ABL1: variants seen among roughly 807,000 people sequenced by gnomAD.
ABL1 encodes ABL proto-oncogene 1, non-receptor tyrosine kinase.
A neutral mutation model predicts 94.7 loss-of-function variants in ABL1; 11 were observed. The observed-to-expected ratio is 0.12, with a 90% confidence interval of 0.07 to 0.19. The LOEUF is 0.19. Ranked by LOEUF, ABL1 falls within the 10% of genes least tolerant of loss-of-function variation. ABL1 has a pLI of 1.00. For synonymous variants in ABL1, 656 were observed against 622.4 expected (o/e 1.05, Z -0.80); for missense variants, 1,082 against 1,489.4 (o/e 0.73, Z 4.50).
intron 4 of ABL1, among the ~76,000 whole-genome samples, chr9:130,869,856 ACT>A (rs1831224069): frequency 6.6e-6 from 1 of 152,072 alleles, no homozygotes; most frequent in Admixed American, 6.6e-5. Flanking sequence ...ATGAAGTCTC[ACT>A]CTGTCGCCCA....
At chr9:130,776,570 C>G (rs1294580906) in intron 1 of ABL1, among the ~76,000 whole-genome samples, 1 of 121,072 alleles carries the variant, frequency 8.3e-6, no homozygotes, top group African/African-American at 3.4e-5. Flanking sequence ...AAGTGAGACT[C>G]TATCTCAAAA....
chr9:130,757,066 C>T (rs1832049919), intron 1 of ABL1, among the ~76,000 whole-genome samples: 1 of 152,164 alleles, frequency 6.6e-6, no homozygotes. Flanking sequence ...TGTGAGAAGG[C>T]AGTTTGGGAC....
At chr9:130,784,279 G>A (rs976492951) in intron 1 of ABL1, among the ~76,000 whole-genome samples, 4 of 151,608 alleles carry the variant, frequency 2.6e-5, no homozygotes, top group African/African-American at 9.7e-5. Flanking sequence ...GTGTTTTTTT[G>A]TCCCCCCAAC....
chr9:130,845,014 C>G (rs567842709), intron 1 of ABL1, among the ~76,000 whole-genome samples: 2 of 152,284 alleles, frequency 1.3e-5, no homozygotes, highest in Admixed American at 6.5e-5. Context: ...TTAACAAGTC[C>G]TGCACTAAGG....
At chr9:130,813,633 AGAAAG>A (rs1356512077) in intron 1 of ABL1, among the ~76,000 whole-genome samples, 3 of 152,180 alleles carry the variant, frequency 2.0e-5, no homozygotes, top group African/African-American at 7.2e-5. Flanking sequence ...AATTAATAAC[AGAAAG>A]GTATCTGGAA....
intron 4 of ABL1, among the ~76,000 whole-genome samples, chr9:130,868,246 C>T (rs114217017): frequency 0.019 from 2,875 of 152,278 alleles, 96 homozygotes; most frequent in African/African-American, 0.066. Context: ...GCGTGAGCCA[C>T]CACACCCAGC....
At chr9:130,813,198 T>C in intron 1 of ABL1, among the ~76,000 whole-genome samples, 1 of 149,414 alleles carries the variant, frequency 6.7e-6, no homozygotes, top group African/African-American at 2.5e-5. Context: ...TGGGCAACAG[T>C]GAGACTCCGT....
intron 1 of ABL1, among the ~76,000 whole-genome samples, chr9:130,786,144 G>A (rs895300338): frequency 6.6e-6 from 1 of 152,220 alleles, no homozygotes; most frequent in African/African-American, 2.4e-5. Flanking sequence ...GCCCAGGCCA[G>A]AGCCTTTGTT....
At chr9:130,810,209 A>T (rs760657145) in intron 1 of ABL1, among the ~76,000 whole-genome samples, 8 of 152,244 alleles carry the variant, frequency 5.3e-5, no homozygotes, top group African/African-American at 9.6e-5. Flanking sequence ...GACATGAAAG[A>T]TGATGGCTGG....
At chr9:130,757,625 G>A (rs1392986909) in intron 1 of ABL1, among the ~76,000 whole-genome samples, 4 of 130,722 alleles carry the variant, frequency 3.1e-5, no homozygotes, top group South Asian at 5.4e-4. Flanking sequence ...TGCAACCTCC[G>A]CCTCCTGGGT....
chr9:130,843,743 AG>A, intron 1 of ABL1, among the ~76,000 whole-genome samples: 1 of 152,026 alleles, frequency 6.6e-6, no homozygotes, highest in Non-Finnish European at 1.5e-5. Flanking sequence ...AACGAACTCT[AG>A]GGAGAGTAAA....
At chr9:130,765,988 A>G (rs1350974818) in intron 1 of ABL1, among the ~76,000 whole-genome samples, 2 of 152,242 alleles carry the variant, frequency 1.3e-5, no homozygotes, top group East Asian at 3.9e-4. Flanking sequence ...CCCTGAGGAA[A>G]GAAAAGATAA....
chr9:130,829,522 G>A (rs560474532), intron 1 of ABL1, among the ~76,000 whole-genome samples: 3 of 143,852 alleles, frequency 2.1e-5, no homozygotes, highest in African/African-American at 7.8e-5. Context: ...CGGAGATCGC[G>A]CCACTGCACT....
exon 1 of ABL1, among the ~76,000 whole-genome samples, chr9:130,713,522 C>G (rs1020356210): frequency 1.3e-5 from 2 of 151,746 alleles, no homozygotes; most frequent in African/African-American, 2.4e-5. Context: ...CCGGCCCCAA[C>G]TTTGGCCACG....
At chr9:130,818,084 ACCAGTTGCT>A (rs1387317450) in intron 1 of ABL1, among the ~76,000 whole-genome samples, 1 of 152,214 alleles carries the variant, frequency 6.6e-6, no homozygotes, top group Non-Finnish European at 1.5e-5. Flanking sequence ...ATGTATTCAC[ACCAGTTGCT>A]CCATTTGGTC....
At chr9:130,733,657 T>C (rs371649991) in intron 1 of ABL1, among the ~76,000 whole-genome samples, 13 of 146,018 alleles carry the variant, frequency 8.9e-5, no homozygotes, top group Admixed American at 5.7e-4. Context: ...CGGCTCACTG[T>C]AAGCTCCGCC....
intron 1 of ABL1, among the ~76,000 whole-genome samples, chr9:130,787,250 T>G (rs955784081): frequency 6.6e-6 from 1 of 152,196 alleles, no homozygotes; most frequent in African/African-American, 2.4e-5. Context: ...TTAGTCTGAC[T>G]CCATCTTAGG....
chr9:130,763,284 T>C (rs1832139747), intron 1 of ABL1, among the ~76,000 whole-genome samples: 2 of 152,034 alleles, frequency 1.3e-5, no homozygotes, highest in Admixed American at 1.3e-4. Context: ...AAGTAAAGAA[T>C]AGAGCATGTC....
rs147115661 is a variant in ABL1 at position 130,864,158 on chromosome 9, C to T, written c.822+1123C>T. ...GGCTTCCTGATGCTCTTATTCAGCACGTGCCTGTCTTTGAGGCAGGACTGG... is the reference window on the plus strand; with the variant it reads ...GGCTTCCTGATGCTCTTATTCAGCATGTGCCTGTCTTTGAGGCAGGACTGG... On this transcript the variant is annotated intron_variant, in intron 4 of 10. Coordinates refer to ENST00000318560, the MANE Select transcript of ABL1 (RefSeq NM_005157.6). Among the ~76,000 whole-genome samples the T allele has an allele frequency of 3.9e-4, 60 of 152,310 alleles. 1 individual carries two copies. The East Asian group carries it at 8.1e-3, about 21-fold the overall frequency.
Sources: gnomAD v4.1 joint callset for allele counts (sites outside exome capture counted in the v4.1 genomes callset) on GRCh38, gnomAD v4.1.1 for gene constraint, MANE v1.5 for transcripts, NCBI Gene and HGNC (gene_info 2026-07-23, HGNC 2026-07-21) for gene names.